RBM6: variants seen among roughly 807,000 people sequenced by gnomAD.
RBM6 encodes RNA binding motif protein 6, also known as RNA-binding protein 6.
Under a neutral mutation model 140.4 loss-of-function variants are expected in RBM6, and 23 were observed. That is an observed-to-expected ratio of 0.16 (90% CI 0.12 to 0.23). RBM6 has a LOEUF of 0.23. Among genes scored for constraint, RBM6 ranks in the 10% least tolerant of loss-of-function variants. RBM6 has a pLI of 1.00. For synonymous variants in RBM6, 439 were observed against 475.6 expected, an observed-to-expected ratio of 0.92 and a Z score of 1.00; for missense variants, 1,139 against 1,386.7, an observed-to-expected ratio of 0.82 and a Z score of 2.84.
chr3:49,994,367 A>G (rs1404689295), intron 5 of RBM6, among the ~76,000 whole-genome samples: 9 of 152,196 alleles, frequency 5.9e-5, no homozygotes, highest in Non-Finnish European at 4.4e-5. Context: ...CCAGCCTCGC[A>G]TGAGATTTTA....
In RBM6 at chr3:50,059,655, C is replaced by A; in HGVS notation, c.2137C>A (p.Leu713Ile). ...AGTGTGTCTGGTTCTATAGGAAGCT[C>A]TTCGTGTGGTGAAGATCTTACAGAA... ...FIDLDSHAEA[L>I]RVVKILQNLD... The change falls in exon 11 of 21, where the codon CTT becomes ATT. Residue 713 changes from leucine (L) to isoleucine (I), a missense_variant. Transcript: ENST00000266022. 1 of 1,613,526 alleles carries A rather than the reference C, an allele frequency of 6.2e-7. No individual in the cohort carries two copies. Among genetic ancestry groups the A allele is most frequent in the Non-Finnish European group, 8.5e-7 (1 of 1,179,716 alleles).
intron 19 of RBM6, among the ~76,000 whole-genome samples, chr3:50,072,205 C>T (rs1316936008): frequency 6.7e-5 from 10 of 150,238 alleles, no homozygotes; most frequent in Non-Finnish European, 1.2e-4. Flanking sequence ...GTCAGGAGTT[C>T]GAGACCAGCC....
chr3:49,942,862 A>G (rs1386489663), intron 1 of RBM6, among the ~76,000 whole-genome samples: 1 of 151,998 alleles, frequency 6.6e-6, no homozygotes, highest in Non-Finnish European at 1.5e-5. Flanking sequence ...CTCCATCTCA[A>G]AAAAAAAGAA....
chr3:50,056,051 G>A (rs2089682104), intron 8 of RBM6, among the ~76,000 whole-genome samples: 1 of 152,126 alleles, frequency 6.6e-6, no homozygotes, highest in Non-Finnish European at 1.5e-5. Flanking sequence ...AGTTTCTTAG[G>A]TGGGCTTTTG....
At chr3:49,974,503 C>G (rs995536536) in intron 4 of RBM6, among the ~76,000 whole-genome samples, 21 of 151,146 alleles carry the variant, frequency 1.4e-4, no homozygotes, top group Non-Finnish European at 2.8e-4. Flanking sequence ...TCCCAAGTAG[C>G]TGGGACTACA....
At chr3:50,007,457 G>A (rs1391916732) in intron 6 of RBM6, among the ~76,000 whole-genome samples, 1 of 151,908 alleles carries the variant, frequency 6.6e-6, no homozygotes, top group Non-Finnish European at 1.5e-5. Context: ...CAAAGTGCTG[G>A]ATTACAGGAG....
Position 50,059,179 on chromosome 3 carries a change from G to T in RBM6, c.2131-470G>T, listed in dbSNP as rs540281029. 2.6e-5 allele frequency among the ~76,000 whole-genome samples: 4 copies of T among 152,206 alleles called. 1 individual carries two copies. The South Asian group carries it at 8.3e-4, about 32-fold the overall frequency. On this transcript the variant is annotated intron_variant, in intron 10 of 20. Coordinates refer to ENST00000266022, the MANE Select transcript of RBM6 (RefSeq NM_005777.3). ...TGAACTTTCTGATTTATTTTGTCCA[G>T]CCACAGATGGTTTTATATTTGATGA... is the stretch of plus-strand genomic sequence containing the variant.
chr3:50,032,575 T>C (rs2088239865), intron 6 of RBM6, among the ~76,000 whole-genome samples: 2 of 151,922 alleles, frequency 1.3e-5, no homozygotes, highest in South Asian at 4.1e-4. Context: ...TTTCCCAGAA[T>C]GAGAACCAGA....
chr3:50,032,780 G>T (rs1307945363), intron 6 of RBM6, among the ~76,000 whole-genome samples: 1 of 151,978 alleles, frequency 6.6e-6, no homozygotes, highest in East Asian at 1.9e-4. Flanking sequence ...TAAGGTCAGA[G>T]TTCGAGACTA....
intron 8 of RBM6, among the ~76,000 whole-genome samples, 181 bp downstream of exon 8, chr3:50,054,576 G>A (rs1355974201): frequency 6.6e-6 from 1 of 151,618 alleles, no homozygotes; most frequent in Non-Finnish European, 1.5e-5. Flanking sequence ...CACCATCTTG[G>A]CTCACTGCAA....
intron 7 of RBM6, among the ~76,000 whole-genome samples, chr3:50,053,742 C>T (rs1002494561): frequency 3.3e-5 from 5 of 152,204 alleles, no homozygotes; most frequent in African/African-American, 1.2e-4. Flanking sequence ...CGGGGTTGGG[C>T]AGTGTGCTTG....
Position 49,968,265 on chromosome 3 carries a change from T to C in RBM6, c.840T>C (p.Phe280=), listed in dbSNP as rs373244915. The change falls in exon 3 of 21, where the codon TTT becomes TTC. Residue 280 remains phenylalanine, a synonymous_variant. Coordinates refer to ENST00000266022, the MANE Select transcript of RBM6 (RefSeq NM_005777.3). ...GAGAGATGGGATCTTGTATGGAATTTAAAGATAGGGAGATGCCCCCTGTGG... is the reference window on the plus strand; with the variant it reads ...GAGAGATGGGATCTTGTATGGAATTCAAAGATAGGGAGATGCCCCCTGTGG... ...RGREMGSCME[F]KDREMPPVDP... is the part of the protein sequence containing the mutation. The C allele has an allele frequency of 1.9e-6, 3 of 1,614,000 alleles. No homozygotes were observed. The African/African-American group carries it at 4.0e-5, about 22-fold the overall frequency.
At chr3:49,955,986 T>A (rs1327570381) in intron 1 of RBM6, among the ~76,000 whole-genome samples, 1 of 151,966 alleles carries the variant, frequency 6.6e-6, no homozygotes, top group Non-Finnish European at 1.5e-5. Context: ...TGCTACTACT[T>A]TTATGTTTAG....
chr3:49,953,611 C>G (rs1375047203), intron 1 of RBM6, among the ~76,000 whole-genome samples: 3 of 151,074 alleles, frequency 2.0e-5, no homozygotes, highest in Non-Finnish European at 4.4e-5. Flanking sequence ...CCTCTGCCTT[C>G]TGGGTTCAAG....
chr3:50,070,428 C>A, intron 18 of RBM6, 27 bp from the exon 19 acceptor site: 2 of 1,543,844 alleles, frequency 1.3e-6, no homozygotes, highest in Non-Finnish European at 1.8e-6. Context: ...GTGGCAATCT[C>A]AGGTCTGCTC....
chr3:49,980,993 C>G (rs2085283255), intron 5 of RBM6, among the ~76,000 whole-genome samples: 1 of 151,808 alleles, frequency 6.6e-6, no homozygotes, highest in Non-Finnish European at 1.5e-5. Flanking sequence ...ACCTCCGCCT[C>G]CTGGGTTCAA....
chr3:49,980,956 G>T (rs2085280641), intron 5 of RBM6, among the ~76,000 whole-genome samples: 2 of 151,670 alleles, frequency 1.3e-5, no homozygotes, highest in Admixed American at 6.6e-5. Context: ...GTGCTGGAGT[G>T]CAGTGGCGCG....
chr3:50,068,991 T>G (rs1314031454), intron 18 of RBM6, among the ~76,000 whole-genome samples: 4 of 152,226 alleles, frequency 2.6e-5, no homozygotes, highest in East Asian at 1.9e-4. Flanking sequence ...AAAGGTGGTG[T>G]TAGGGTCTCT....
chr3:50,018,481 G>A (rs1033446619), intron 6 of RBM6, among the ~76,000 whole-genome samples: 2 of 150,934 alleles, frequency 1.3e-5, no homozygotes, highest in Non-Finnish European at 2.9e-5. Flanking sequence ...GAATAAAGCT[G>A]CAATAAATAT....
Sources: gnomAD v4.1 joint callset for allele counts (sites outside exome capture counted in the v4.1 genomes callset) on GRCh38, gnomAD v4.1.1 for gene constraint, MANE v1.5 for transcripts, NCBI Gene and HGNC (gene_info 2026-07-23, HGNC 2026-07-21) for gene names.